PIK3CB: variants seen among roughly 807,000 people sequenced by gnomAD.
PIK3CB encodes phosphatidylinositol 4,5-bisphosphate 3-kinase catalytic subunit beta isoform.
Under a neutral mutation model 136.8 loss-of-function variants are expected in PIK3CB, and 39 were observed. The observed-to-expected ratio is 0.29, with a 90% CI of 0.22 to 0.37. The LOEUF (loss-of-function observed/expected upper bound fraction) is 0.37, where lower values mean the gene tolerates loss of function less well. Ranked by LOEUF, PIK3CB falls within the 10% of genes least tolerant of loss-of-function variation. The pLI is 1.00. For synonymous variants in PIK3CB, 428 were observed against 436.6 expected, an observed-to-expected ratio of 0.98 and a Z score of 0.25; for missense variants, 868 against 1,275.4, an observed-to-expected ratio of 0.68 and a Z score of 4.87.
chr3:138,805,450 C>T (rs546662150), intron 1 of PIK3CB, among the ~76,000 whole-genome samples: 4 of 152,012 alleles, frequency 2.6e-5, no homozygotes, highest in African/African-American at 9.6e-5. Context: ...GTCGGCAGAT[C>T]ACGAGGTCAG....
chr3:138,666,999 C>T (rs1048034203), intron 19 of PIK3CB, among the ~76,000 whole-genome samples: 31 of 151,926 alleles, frequency 2.0e-4, no homozygotes, highest in African/African-American at 5.8e-4. Context: ...CAGGAGATCA[C>T]GACCAGGTCA....
rs528060481 is a variant in PIK3CB at position 138,700,234 on chromosome 3, G to A, written c.1582-1139C>T. Among the ~76,000 whole-genome samples the A allele has an allele frequency of 5.3e-5, 8 of 151,888 alleles. No homozygotes were observed. In the East Asian group the frequency reaches 5.9e-4, roughly 11 times the overall value. ...GAGACACTGTCAATCCATTCCATCCGTTTGTTTATCCGTCCGTCCATCCAT... is the reference window on the plus strand; with the variant it reads ...GAGACACTGTCAATCCATTCCATCCATTTGTTTATCCGTCCGTCCATCCAT... On this transcript the variant is annotated intron_variant, in intron 12 of 23. Transcript: ENST00000674063.
At chr3:138,831,281 A>AAATAAAATTAAATT (rs1553745244) in intron 1 of PIK3CB, among the ~76,000 whole-genome samples, 1 of 148,282 alleles carries the variant, frequency 6.7e-6, no homozygotes, top group Non-Finnish European at 1.5e-5. Context: ...AAAATAAAAT[A>AAATAAAATTAAATT]AAATTAAATT....
chr3:138,730,537 G>A (rs1342531510), intron 8 of PIK3CB, among the ~76,000 whole-genome samples: 5 of 152,116 alleles, frequency 3.3e-5, no homozygotes, highest in East Asian at 3.9e-4. Flanking sequence ...ATTCTATATC[G>A]ATACCTATAA....
intron 21 of PIK3CB, among the ~76,000 whole-genome samples, chr3:138,661,709 T>C (rs894731431): frequency 2.6e-5 from 4 of 152,150 alleles, no homozygotes; most frequent in Non-Finnish European, 4.4e-5. Flanking sequence ...ACATCAACTC[T>C]CAAAGCCCAA....
intron 19 of PIK3CB, among the ~76,000 whole-genome samples, chr3:138,678,817 T>TTTA (rs973719792): frequency 6.6e-6 from 1 of 152,086 alleles, no homozygotes; most frequent in Non-Finnish European, 1.5e-5. Flanking sequence ...AAATCAAACC[T>TTTA]TGTATAGATT....
chr3:138,759,236 C>A lies in PIK3CB; in HGVS notation c.108G>T (p.Leu36Phe), dbSNP rs1295285143. 1.2e-6 allele frequency: 2 copies of A among 1,612,200 alleles called. No individual in the cohort carries two copies. Among genetic ancestry groups the A allele is most frequent in the South Asian group, 1.1e-5 (1 of 90,908 alleles). Residue 36 changes from leucine (L) to phenylalanine (F), a missense_variant, in exon 3 of 24, where the codon TTG becomes TTT. Leu to Phe is a conservative substitution (Grantham distance 22). Transcript: ENST00000674063. ...SDGSIPVDFL[L>F]PTGIYIQLEV... ...CCAACTGGATATAAATCCCAGTGGG[C>A]AAAAGGAAATCCACAGGTATGGAGC...
chr3:138,728,286 C>T (rs560401016), intron 8 of PIK3CB, among the ~76,000 whole-genome samples: 8 of 152,084 alleles, frequency 5.3e-5, no homozygotes, highest in Admixed American at 1.3e-4. Context: ...ATATGACCAA[C>T]GTTATTCTAA....
chr3:138,792,150 G>A (rs748350714), intron 2 of PIK3CB, among the ~76,000 whole-genome samples: 2 of 151,922 alleles, frequency 1.3e-5, no homozygotes, highest in South Asian at 2.1e-4. Flanking sequence ...AGCTGAGATC[G>A]CGCCATTGCA....
intron 5 of PIK3CB, among the ~76,000 whole-genome samples, chr3:138,741,673 C>T (rs1429672138): frequency 1.3e-5 from 2 of 151,984 alleles, no homozygotes; most frequent in Non-Finnish European, 2.9e-5. Context: ...ACTAAAAATA[C>T]AAAAATTAGC....
chr3:138,681,049 T>G (rs2043766283), intron 19 of PIK3CB, among the ~76,000 whole-genome samples: 1 of 147,730 alleles, frequency 6.8e-6, no homozygotes, highest in Admixed American at 6.8e-5. Context: ...TAGTTTTTTT[T>G]TTGTTTTTTT....
intron 19 of PIK3CB, among the ~76,000 whole-genome samples, chr3:138,674,764 A>G (rs1341477682): frequency 6.6e-6 from 1 of 152,200 alleles, no homozygotes; most frequent in East Asian, 1.9e-4. Flanking sequence ...CCATGTTTAA[A>G]GAACTATAAG....
chr3:138,742,474 A>G (rs1576377123), intron 5 of PIK3CB, 84 bp downstream of exon 5: 2 of 665,218 alleles, frequency 3.0e-6, no homozygotes, highest in East Asian at 5.5e-5. Flanking sequence ...TAGGCAAGCG[A>G]CAGACACTTC....
chr3:138,762,167 T>C (rs1222069993), intron 2 of PIK3CB, among the ~76,000 whole-genome samples: 1 of 152,006 alleles, frequency 6.6e-6, no homozygotes, highest in African/African-American at 2.4e-5. Context: ...GAGAATCGCC[T>C]GAACCCAAGA....
At chr3:138,750,236 A>G (rs1184007145) in intron 4 of PIK3CB, among the ~76,000 whole-genome samples, 2 of 151,430 alleles carry the variant, frequency 1.3e-5, no homozygotes, top group South Asian at 2.1e-4. Context: ...GCTAATTAGC[A>G]TATCTATCAC....
At chr3:138,809,159 T>A (rs2046266234) in intron 1 of PIK3CB, among the ~76,000 whole-genome samples, 1 of 150,948 alleles carries the variant, frequency 6.6e-6, no homozygotes, top group African/African-American at 2.4e-5. Flanking sequence ...GCACCTGTAA[T>A]CCCAGCTACT....
chr3:138,825,922 T>C, intron 1 of PIK3CB: 1 of 1,560,176 alleles, frequency 6.4e-7, no homozygotes, highest in Non-Finnish European at 8.6e-7. Flanking sequence ...ACGTTGCTGG[T>C]GACAGCAAAA....
In PIK3CB at chr3:138,661,839, A is replaced by AG. The variant is rs548051135; in HGVS notation, c.2796+2066dup. 4.8e-3 allele frequency among the ~76,000 whole-genome samples: 725 copies of AG among 152,206 alleles called. 8 individuals are homozygous for AG. The highest frequency in any genetic ancestry group is 0.016 in the African/African-American group (677 of 41,554). Reference sequence around the variant, plus strand: ...GTATGCCTCTAATGTGGGAATTCCTAGGGGGGCTAAACTGAAAAATTATCT... The same window carrying AG: ...GTATGCCTCTAATGTGGGAATTCCTAGGGGGGGCTAAACTGAAAAATTATCT... On this transcript the variant is annotated intron_variant, in intron 21 of 23. Coordinates refer to ENST00000674063, the MANE Select transcript of PIK3CB (RefSeq NM_006219.3).
chr3:138,775,976 T>C (rs909883365), intron 2 of PIK3CB, among the ~76,000 whole-genome samples: 1 of 152,190 alleles, frequency 6.6e-6, no homozygotes, highest in Non-Finnish European at 1.5e-5. Context: ...GGTGGGTGGA[T>C]CACCTGAGGT....
Sources: gnomAD v4.1 joint callset for allele counts (sites outside exome capture counted in the v4.1 genomes callset) on GRCh38, gnomAD v4.1.1 for gene constraint, MANE v1.5 for transcripts, NCBI Gene and HGNC (gene_info 2026-07-23, HGNC 2026-07-21) for gene names.